The following SENP1 variants were observed in gnomAD, a reference collection of about 807,000 sequenced individuals.
The protein encoded by SENP1 is sentrin-specific protease 1.
In SENP1, 21 loss-of-function variants were observed where a neutral mutation model predicts 93.0. That is an observed-to-expected ratio of 0.23 (90% CI 0.16 to 0.33). SENP1 has a LOEUF of 0.33. Ranked by LOEUF, SENP1 falls within the 10% of genes least tolerant of loss-of-function variation. SENP1 has a pLI of 1.00. For synonymous variants in SENP1, 256 were observed against 259.6 expected (o/e 0.99, Z 0.13); for missense variants, 591 against 758.7 (o/e 0.78, Z 2.60).
rs1036738007 is a variant in SENP1, at chr12:48,044,406, G to C, written c.*916C>G. 4 of 148,158 alleles carry C rather than the reference G, an allele frequency of 2.7e-5. No homozygotes were observed. The highest frequency in any genetic ancestry group is 3.5e-3 in the Middle Eastern group (1 of 282). 9.2% of individuals were successfully genotyped at this position (148,158 alleles called of 1,614,324 possible). A position where few individuals can be genotyped will look rare whatever the true frequency, so the allele number is the denominator to read the frequency against. On this transcript the variant is annotated 3_prime_UTR_variant, in exon 18 of 18. Coordinates refer to ENST00000549518, the MANE Select transcript of SENP1 (RefSeq NM_001267594.2). ...TGTATATATATATGTATATATATAT[G>C]AAATTCTCTGTGGTTAGAAACATAT...
intron 1 of SENP1, among the ~76,000 whole-genome samples, chr12:48,103,880 T>A (rs919069235): frequency 3.9e-5 from 6 of 152,080 alleles, no homozygotes; most frequent in African/African-American, 1.4e-4. Context: ...AAGGGGATTA[T>A]GAAAGACAAT....
chr12:48,080,871 G>C (rs993239289), intron 6 of SENP1, among the ~76,000 whole-genome samples: 13 of 152,266 alleles, frequency 8.5e-5, no homozygotes, highest in Admixed American at 7.2e-4. Flanking sequence ...TCATAGAATA[G>C]ATTCTTAGCA....
chr12:48,085,258 T>C (rs1944777158), intron 5 of SENP1: 2 of 1,553,636 alleles, frequency 1.3e-6, no homozygotes, highest in Non-Finnish European at 1.8e-6. Flanking sequence ...ATCATCCTCA[T>C]CAACCAGTAC....
At chr12:48,068,102 G>T (rs1237066754) in intron 9 of SENP1, among the ~76,000 whole-genome samples, 1 of 152,072 alleles carries the variant, frequency 6.6e-6, no homozygotes, top group African/African-American at 2.4e-5. Context: ...TCGAACTCAT[G>T]ACCTCCGGTG....
chr12:48,063,919 A>C, intron 12 of SENP1, 78 bp from the exon 13 acceptor site: 1 of 1,251,538 alleles, frequency 8.0e-7, no homozygotes, highest in Non-Finnish European at 1.1e-6. Flanking sequence ...ACCCCATATA[A>C]TCCTCAGACT....
rs1042736042 is a variant in SENP1, at chr12:48,045,017, C to T, written c.*305G>A. ...CTTTTCTCAGTCCCATAATTAGGGACTGAGTGAGGCTGGAGCCCTTTGAAA... is the reference window on the plus strand; with the variant it reads ...CTTTTCTCAGTCCCATAATTAGGGATTGAGTGAGGCTGGAGCCCTTTGAAA... On this transcript the variant is annotated 3_prime_UTR_variant, in exon 18 of 18. Coordinates refer to ENST00000549518, the MANE Select transcript of SENP1 (RefSeq NM_001267594.2). 1 of 366,806 alleles carries T rather than the reference C, an allele frequency of 2.7e-6. No individual in the cohort carries two copies. The highest frequency in any genetic ancestry group is 2.0e-5 in the African/African-American group (1 of 49,862). The allele number at this position is 366,806 out of a possible 1,614,324, so 22.7% of individuals were successfully genotyped here.
intron 13 of SENP1, among the ~76,000 whole-genome samples, chr12:48,056,764 T>C (rs1203557351): frequency 5.5e-5 from 4 of 72,550 alleles, no homozygotes; most frequent in Non-Finnish European, 8.9e-5. Context: ...TATAAATATA[T>C]TTAACATATT....
intron 4 of SENP1, chr12:48,089,312 G>T (rs1945079613): frequency 7.4e-7 from 1 of 1,355,626 alleles, no homozygotes. Context: ...AGGTAGGCCA[G>T]ACCAGTAAGA....
At position 48,063,851 on chromosome 12, in the gene SENP1, CA is replaced by C; in HGVS notation, c.1276-11del. On this transcript the variant is annotated splice_polypyrimidine_tract_variant and intron_variant, in intron 12 of 17. Coordinates refer to ENST00000549518, the MANE Select transcript of SENP1 (RefSeq NM_001267594.2). ...TTTCTTTCTCCATTTCCTAAGAAAA[CA>C]AAAGGTGTCAAGACATCAAACACGC... 1.9e-6 allele frequency: 3 copies of C among 1,604,152 alleles called. No individual in the cohort carries two copies. The highest frequency in any genetic ancestry group is 2.2e-5 in the East Asian group (1 of 44,752).
At chr12:48,070,279 G>T (rs899667876) in intron 9 of SENP1, among the ~76,000 whole-genome samples, 3 of 152,062 alleles carry the variant, frequency 2.0e-5, no homozygotes, top group African/African-American at 7.2e-5. Flanking sequence ...TTTCCATATG[G>T]CTCCCTCTTA....
intron 13 of SENP1, 49 bp downstream of exon 13, chr12:48,063,661 C>T: frequency 6.4e-7 from 1 of 1,572,126 alleles, no homozygotes; most frequent in Non-Finnish European, 8.7e-7. Flanking sequence ...CTTAATTTAA[C>T]TGCCACTTAA....
chr12:48,065,217 A>G lies in SENP1; in HGVS notation c.1123T>C (p.Leu375=), dbSNP rs1943217355. ...ALALQLQNQR[L]QEREHSVHDS... ...TGTACTGAATGTTCCCGCTCCTGCA[A>G]TCTCTGAAAGATAAAACTTCAGAGT... is the stretch of plus-strand genomic sequence containing the variant. Residue 375 remains leucine, a synonymous_variant, in exon 12 of 18, where the codon TTG becomes CTG. Coordinates refer to ENST00000549518, the MANE Select transcript of SENP1 (RefSeq NM_001267594.2). The G allele has an allele frequency of 1.9e-6, 3 of 1,588,712 alleles. No homozygotes were observed. Among genetic ancestry groups the G allele is most frequent in the South Asian group, 2.3e-5 (2 of 88,582 alleles).
At chr12:48,056,694 ATTT>A (rs1364714620) in intron 13 of SENP1, among the ~76,000 whole-genome samples, 1 of 92,494 alleles carries the variant, frequency 1.1e-5, no homozygotes, top group African/African-American at 5.0e-5. Flanking sequence ...TAAATATATT[ATTT>A]AATATATTAC....
intron 1 of SENP1, among the ~76,000 whole-genome samples, chr12:48,104,567 C>G (rs1228874783): frequency 6.6e-6 from 1 of 152,194 alleles, no homozygotes; most frequent in Non-Finnish European, 1.5e-5. Context: ...CATACACATT[C>G]ATTTACTGTG....
At chr12:48,054,169 T>G (rs902579447) in intron 13 of SENP1, among the ~76,000 whole-genome samples, 1 of 152,180 alleles carries the variant, frequency 6.6e-6, no homozygotes, top group African/African-American at 2.4e-5. Context: ...GTCTTCTATA[T>G]CCTTACTGAT....
intron 2 of SENP1, chr12:48,099,238 G>A (rs1380302366): frequency 6.6e-5 from 10 of 152,052 alleles, no homozygotes; most frequent in Admixed American, 6.6e-4. Flanking sequence ...GACCTGGAAG[G>A]ATACTCTGAG....
chr12:48,082,627 G>A (rs180752718), intron 6 of SENP1, among the ~76,000 whole-genome samples: 108 of 152,264 alleles, frequency 7.1e-4, no homozygotes, highest in Middle Eastern at 3.4e-3. Context: ...AGCATTAGAC[G>A]TACATTAAAT....
At chr12:48,085,715 CA>C (rs200416260) in intron 5 of SENP1, among the ~76,000 whole-genome samples, 1,516 of 116,172 alleles carry the variant, frequency 0.013, 10 homozygotes, top group African/African-American at 0.044. Flanking sequence ...TTGCTTCTCT[CA>C]AAAAAAAAAA....
At chr12:48,072,051 C>T (rs1163144645) in intron 8 of SENP1, among the ~76,000 whole-genome samples, 1 of 152,178 alleles carries the variant, frequency 6.6e-6, no homozygotes, top group South Asian at 2.1e-4. Context: ...CCTTAAAAGT[C>T]TTCATGGTAG....
Sources: gnomAD v4.1 joint callset for allele counts (sites outside exome capture counted in the v4.1 genomes callset) on GRCh38, gnomAD v4.1.1 for gene constraint, MANE v1.5 for transcripts, NCBI Gene and HGNC (gene_info 2026-07-23, HGNC 2026-07-21) for gene names.